The following DHODH variants were observed in gnomAD, a reference collection of about 807,000 sequenced individuals.
The protein encoded by DHODH is dihydroorotate dehydrogenase (quinone), mitochondrial.
DHODH carries 30 observed loss-of-function variants against 39.7 expected under a neutral mutation model. That is an observed-to-expected ratio of 0.76 (90% confidence interval 0.57 to 1.02). The LOEUF (loss-of-function observed/expected upper bound fraction) is 1.02, where lower values mean the gene tolerates loss of function less well. Ranked by LOEUF, DHODH falls within the 50% of genes least tolerant of loss-of-function variation. The probability of loss-of-function intolerance (pLI) is 0.00; values close to 1 mark genes in which losing one functional copy is unlikely to be tolerated. For synonymous variants in DHODH, 222 were observed against 213.8 expected, an observed-to-expected ratio of 1.04 and a Z score of -0.34; for missense variants, 531 against 520.8, an observed-to-expected ratio of 1.02 and a Z score of -0.19.
At chr16:72,021,093 G>A (rs776620021) in intron 4 of DHODH, 31 bp from the exon 5 acceptor site, 43 of 1,576,462 alleles carry the variant, frequency 2.7e-5, no homozygotes, top group African/African-American at 6.8e-5. Context: ...AAGGGTGTGC[G>A]GGGTGCAGGC....
In DHODH at chr16:72,023,545, G is replaced by C; in HGVS notation, c.1045G>C (p.Ala349Pro). The C allele has an allele frequency of 6.2e-7, 1 of 1,614,106 alleles. No homozygotes were observed. Among genetic ancestry groups the C allele is most frequent in the Non-Finnish European group, 8.5e-7 (1 of 1,180,046 alleles). Residue 349 changes from alanine to proline, a missense_variant, in exon 8 of 9, where the codon GCC (alanine) becomes CCC (proline). By Grantham distance (27) the Ala-to-Pro change is conservative. Coordinates refer to ENST00000219240, the MANE Select transcript of DHODH (RefSeq NM_001361.5). ...CGCGCTGGAGAAGATCCGGGCAGGG[G>C]CCTCCCTGGTGCAGCTGTACACGGC... ...QDALEKIRAG[A>P]SLVQLYTALT...
intron 3 of DHODH, among the ~76,000 whole-genome samples, chr16:72,015,114 ATACT>A (rs1356340297): frequency 1.3e-5 from 2 of 152,268 alleles, no homozygotes; most frequent in Admixed American, 6.5e-5. Flanking sequence ...AGTGAAGTTA[ATACT>A]TACTTAAAAT....
rs549374844 is a variant in DHODH, at chr16:72,024,415, G to T, written c.*216G>T. The T allele has an allele frequency of 1.1e-4, 66 of 604,384 alleles. No individual in the cohort carries two copies. The South Asian group carries it at 1.2e-3, about 11-fold the overall frequency. The allele number at this position is 604,384 out of a possible 1,614,324, so 37.4% of individuals were successfully genotyped here. On this transcript the variant is annotated 3_prime_UTR_variant, in exon 9 of 9. Coordinates refer to ENST00000219240, the MANE Select transcript of DHODH (RefSeq NM_001361.5). ...ATAAACTGCATTTTTGATTCTTTGTGGATTCAAACCCTAGGATCCATCAGT... is the reference window on the plus strand; with the variant it reads ...ATAAACTGCATTTTTGATTCTTTGTTGATTCAAACCCTAGGATCCATCAGT...
chr16:72,012,053 C>T lies in DHODH; in HGVS notation c.25C>T (p.Arg9Trp), dbSNP rs1008004964. ...CCTAATATGCTCTTTTTTGCAGAAG[C>T]GGGCCCAGGATGCTGTGATCATCCT... MAWRHLKKRAQDAVIILGG... is the reference protein window; with the variant it reads MAWRHLKKWAQDAVIILGG... The change falls in exon 2 of 9, where the codon CGG becomes TGG. Residue 9 changes from arginine (R) to tryptophan (W), a missense_variant. Physicochemically the swap from Arg to Trp is moderately radical, Grantham distance 101. Transcript: ENST00000219240. 16 of 1,613,826 alleles carry T rather than the reference C, an allele frequency of 9.9e-6. No individual in the cohort carries two copies. Among genetic ancestry groups the T allele is most frequent in the East Asian group, 2.2e-5 (1 of 44,892 alleles).
chr16:72,012,333 G>A, intron 2 of DHODH, 71 bp downstream of exon 2: 5 of 1,418,986 alleles, frequency 3.5e-6, no homozygotes, highest in Non-Finnish European at 4.9e-6. Flanking sequence ...TTCTCAGCTG[G>A]GACTGATCTT....
In DHODH at chr16:72,013,269, G is replaced by A. The variant is rs1314807710; in HGVS notation, c.234+1007G>A. Among the ~76,000 whole-genome samples the A allele has an allele frequency of 3.3e-5, 5 of 152,146 alleles. No homozygotes were observed. The East Asian group carries it at 9.6e-4, about 29-fold the overall frequency. ...AGGCTCAGAAAGAGCACTCCGTTAA[G>A]GTGTCCTCACCTCAGACTGCTAGTT... On this transcript the variant is annotated intron_variant, in intron 2 of 8. Coordinates refer to ENST00000219240, the MANE Select transcript of DHODH (RefSeq NM_001361.5).
rs200842559 is a variant in DHODH at position 72,012,156 on chromosome 16, C to T, written c.128C>T (p.Pro43Leu). The T allele has an allele frequency of 8.1e-6, 13 of 1,614,004 alleles. No homozygotes were observed. The highest frequency in any genetic ancestry group is 2.7e-5 in the African/African-American group (2 of 74,900). Reference sequence around the variant, plus strand: ...CGTTTCTATGCTGAACACCTGATGCCGACTCTGCAGGGGCTGCTGGACCCG... The same window carrying T: ...CGTTTCTATGCTGAACACCTGATGCTGACTCTGCAGGGGCTGCTGGACCCG... ...DERFYAEHLM[P>L]TLQGLLDPES... is the part of the protein sequence containing the mutation. The change falls in exon 2 of 9, where the codon CCG becomes CTG. Residue 43 changes from proline (P) to leucine (L), a missense_variant. Transcript: ENST00000219240.
At position 72,021,136 on chromosome 16, in the gene DHODH, TG is replaced by T. The variant is rs1567573240; in HGVS notation, c.535del (p.Val179SerfsTer32). 6.2e-7 allele frequency: 1 copy of T among 1,607,440 alleles called. No individual in the cohort carries two copies. The highest frequency in any genetic ancestry group is 1.1e-5 in the South Asian group (1 of 89,874). ...GCGATGTTTGCAGATGGACTGCCTC[TG>T]GGGGTCAACTTGGGGAAGAACAAGA... is the stretch of plus-strand genomic sequence containing the variant. The part of the protein sequence containing the change: ...QAKLTEDGLP[L>X]GVNLGKNKTS... On this transcript the variant is annotated frameshift_variant, in exon 5 of 9. Transcript: ENST00000219240. LOFTEE classifies it high-confidence loss of function.
At chr16:72,008,871 C>T (rs1037629018) in intron 1 of DHODH, 86 bp downstream of exon 1, 46 of 1,550,136 alleles carry the variant, frequency 3.0e-5, no homozygotes, top group East Asian at 4.9e-5. Context: ...GAGGCATGGA[C>T]CGAAGGCGGC....
At chr16:72,023,406 T>C (rs536342471) in intron 7 of DHODH, 68 bp from the exon 8 acceptor site, 147 of 1,613,886 alleles carry the variant, frequency 9.1e-5, no homozygotes, top group Non-Finnish European at 6.0e-5. Context: ...TAATCTGTCT[T>C]GATTGTGGGG....
intron 4 of DHODH, 39 bp downstream of exon 4, chr16:72,017,145 TAGG>T (rs2041151108): frequency 1.3e-6 from 2 of 1,590,252 alleles, no homozygotes; most frequent in Non-Finnish European, 1.7e-6. Context: ...TCTTATTTAT[TAGG>T]AGGAAACGTG....
At position 72,014,458 on chromosome 16, in the gene DHODH, T is replaced by C. The variant is rs1420176672; in HGVS notation, c.235-15T>C. On this transcript the variant is annotated splice_polypyrimidine_tract_variant and intron_variant, in intron 2 of 8. Transcript: ENST00000219240. ...TAGCCTTAGCGTGCCTCTGACTTTG[T>C]CTTCCTCTTCCCAGGAAGTGAGAGT... 1 of 1,613,468 alleles carries C rather than the reference T, an allele frequency of 6.2e-7. No homozygotes were observed. The highest frequency in any genetic ancestry group is 8.5e-7 in the Non-Finnish European group (1 of 1,179,448).
chr16:72,009,676 G>GC (rs1426637000), intron 1 of DHODH, among the ~76,000 whole-genome samples: 1 of 151,530 alleles, frequency 6.6e-6, no homozygotes, highest in Non-Finnish European at 1.5e-5. Flanking sequence ...GTGCAGTGGC[G>GC]CGATCTTGGC....
At position 72,024,485 on chromosome 16, in the gene DHODH, ATAAAGCCATTTAGAACCTGGGTTT is replaced by A; in HGVS notation, c.*287_*310del. The A allele has an allele frequency of 2.0e-6, 1 of 493,700 alleles. No homozygotes were observed. The highest frequency in any genetic ancestry group is 3.7e-6 in the Non-Finnish European group (1 of 270,346). The allele number at this position is 493,700 out of a possible 1,614,324, so 30.6% of individuals were successfully genotyped here. On this transcript the variant is annotated 3_prime_UTR_variant, in exon 9 of 9. Coordinates refer to ENST00000219240, the MANE Select transcript of DHODH (RefSeq NM_001361.5). ...TTAGGAGGAAAAAGTCATGGAAAAAATAAAGCCATTTAGAACCTGGGTTTCAACGCTAGCCCTTTCTGGTTTGCC... is the reference window on the plus strand; with the variant it reads ...TTAGGAGGAAAAAGTCATGGAAAAAACAACGCTAGCCCTTTCTGGTTTGCC...
Position 72,023,234 on chromosome 16 carries a change from C to T in DHODH, c.889C>T (p.Arg297Cys), listed in dbSNP as rs548352733. ...CCCTGCGGGCCTCCAGGGTGCCCTG[C>T]GCTCTGAAACAGGAGGGCTGAGTGG... is the stretch of plus-strand genomic sequence containing the variant. ...SRPAGLQGAL[R>C]SETGGLSGKP... Residue 297 changes from arginine (R) to cysteine (C), a missense_variant, in exon 7 of 9, where the codon CGC becomes TGC. By Grantham distance (180) the Arg-to-Cys change is radical (BLOSUM62 -3). Transcript: ENST00000219240. 16 of 1,614,192 alleles carry T rather than the reference C, an allele frequency of 9.9e-6. No homozygotes were observed. Among genetic ancestry groups the T allele is most frequent in the South Asian group, 6.6e-5 (6 of 91,088 alleles).
Position 72,008,773 on chromosome 16 carries a change from G to C in DHODH, c.9G>C (p.Trp3Cys). The change falls in exon 1 of 9, where the codon TGG becomes TGC. Residue 3 changes from tryptophan (W) to cysteine (C), a missense_variant. Coordinates refer to ENST00000219240, the MANE Select transcript of DHODH (RefSeq NM_001361.5). ...TTAATGACGGAAGGAGCATGGCGTGGAGACACCTGAAAGTGAGTCCCGCGA... is the reference window on the plus strand; with the variant it reads ...TTAATGACGGAAGGAGCATGGCGTGCAGACACCTGAAAGTGAGTCCCGCGA... MA[W>C]RHLKKRAQDA... 1 of 1,551,868 alleles carries C rather than the reference G, an allele frequency of 6.4e-7. No homozygotes were observed. The highest frequency in any genetic ancestry group is 8.7e-7 in the Non-Finnish European group (1 of 1,147,050).
chr16:72,018,212 T>C (rs912491591), intron 4 of DHODH, among the ~76,000 whole-genome samples: 1 of 152,122 alleles, frequency 6.6e-6, no homozygotes, highest in Non-Finnish European at 1.5e-5. Flanking sequence ...TCTGGGATTG[T>C]GTGGGGTTGT....
rs538550319 is a variant in DHODH, at chr16:72,026,711, G to A, written c.*2512G>A. The A allele has an allele frequency of 6.6e-6, 1 of 152,190 alleles. No individual in the cohort carries two copies. Among genetic ancestry groups the A allele is most frequent in the South Asian group, 2.1e-4 (1 of 4,806 alleles). The allele number at this position is 152,190 out of a possible 1,614,324, so 9.4% of individuals were successfully genotyped here. Reference sequence around the variant, plus strand: ...CTGACATTCTGTCTCAGCACAGCTGGAAGAGGCTGCTTGAGCACCAGGATA... The same window carrying A: ...CTGACATTCTGTCTCAGCACAGCTGAAAGAGGCTGCTTGAGCACCAGGATA... On this transcript the variant is annotated 3_prime_UTR_variant, in exon 9 of 9. Transcript: ENST00000219240.
chr16:72,022,582 G>T, intron 6 of DHODH, 107 bp downstream of exon 6: 1 of 897,470 alleles, frequency 1.1e-6, no homozygotes. Flanking sequence ...CCTCTCCTTG[G>T]TATTCAAGGC....
Sources: gnomAD v4.1 joint callset for allele counts (sites outside exome capture counted in the v4.1 genomes callset) on GRCh38, gnomAD v4.1.1 for gene constraint, MANE v1.5 for transcripts, NCBI Gene and HGNC (gene_info 2026-07-23, HGNC 2026-07-21) for gene names.